ANKRD33B: variants seen among roughly 807,000 people sequenced by gnomAD.
ANKRD33B encodes the protein ankyrin repeat domain-containing protein 33B.
In ANKRD33B, 6 loss-of-function variants were observed where a neutral mutation model predicts 21.5. The ratio of observed to expected loss-of-function variants is 0.28; its 90% CI spans 0.15 to 0.55. ANKRD33B has a LOEUF of 0.55. ANKRD33B is among the 20% of genes least tolerant of loss of function. The pLI is 0.94. For missense variants in ANKRD33B, 698 were observed against 747.2 expected (o/e 0.93, Z 0.77); for synonymous variants, 347 against 342.4 (o/e 1.01, Z -0.15).
At chr5:10,570,573 T>C (rs1735159196) in intron 1 of ANKRD33B, among the ~76,000 whole-genome samples, 1 of 152,136 alleles carries the variant, frequency 6.6e-6, no homozygotes, top group African/African-American at 2.4e-5. Context: ...TTTATATTAT[T>C]TTGAGATAGA....
Position 10,608,227 on chromosome 5 carries a change from G to A in ANKRD33B, c.367-10106G>A, listed in dbSNP as rs1736092121. Among the ~76,000 whole-genome samples the A allele has an allele frequency of 2.0e-5, 3 of 151,192 alleles. No homozygotes were observed. In the South Asian group the frequency reaches 6.3e-4, roughly 32 times the overall value. On this transcript the variant is annotated intron_variant, in intron 1 of 3. Coordinates refer to ENST00000296657, the MANE Select transcript of ANKRD33B (RefSeq NM_001164440.2). ...AAAAAAAAAAAATGGGCGTGGTGGT[G>A]CATGACTGTAGTCTCAGCTACTCAG...
chr5:10,618,002 G>A (rs1213349308), intron 1 of ANKRD33B, among the ~76,000 whole-genome samples: 1 of 152,118 alleles, frequency 6.6e-6, no homozygotes, highest in African/African-American at 2.4e-5. Flanking sequence ...CCCCATCGCC[G>A]TCTGCCGTGC....
chr5:10,638,050 CTTG>C lies in ANKRD33B; in HGVS notation c.523_525del (p.Leu175del). Reference sequence around the variant, plus strand: ...CAGGGCACGCTATCATCACTAACTACTTGTTGAACTATTTCCCTGGTCTTGACC... The same window carrying C: ...CAGGGCACGCTATCATCACTAACTACTTGAACTATTTCCCTGGTCTTGACC... On this transcript the variant is annotated inframe_deletion, in exon 3 of 4. Transcript: ENST00000296657. 2 of 1,537,708 alleles carry C rather than the reference CTTG, an allele frequency of 1.3e-6. No individual in the cohort carries two copies. The highest frequency in any genetic ancestry group is 1.7e-6 in the Non-Finnish European group (2 of 1,146,980).
chr5:10,656,392 T>TGGC lies in ANKRD33B; in HGVS notation c.*6279_*6280insGGC, dbSNP rs1737488693. Reference sequence around the variant, plus strand: ...GCAGGCAGTGCCAATGTGGACAGTGTACACTAAGCTGTGAGTGTGTGCACG... The same window carrying TGGC: ...GCAGGCAGTGCCAATGTGGACAGTGTGGCACACTAAGCTGTGAGTGTGTGCACG... On this transcript the variant is annotated 3_prime_UTR_variant, in exon 4 of 4. Transcript: ENST00000296657. 2 of 152,400 alleles carry TGGC rather than the reference T, an allele frequency of 1.3e-5. No individual in the cohort carries two copies. The highest frequency in any genetic ancestry group is 2.9e-5 in the Non-Finnish European group (2 of 68,054). 9.4% of individuals were successfully genotyped at this position (152,400 alleles called of 1,614,324 possible).
At chr5:10,594,892 G>A (rs1396410470) in intron 1 of ANKRD33B, among the ~76,000 whole-genome samples, 2 of 152,196 alleles carry the variant, frequency 1.3e-5, no homozygotes, top group African/African-American at 4.8e-5. Flanking sequence ...AGTGGTGATT[G>A]TCTTGGTAGA....
chr5:10,648,869 G>T (rs542800071), intron 3 of ANKRD33B, among the ~76,000 whole-genome samples: 2 of 152,334 alleles, frequency 1.3e-5, no homozygotes, highest in East Asian at 3.9e-4. Context: ...GGTGGCTCAC[G>T]CCCGTAATCC....
chr5:10,649,783 C>T lies in ANKRD33B; in HGVS notation c.1155C>T (p.Ala385=), dbSNP rs1228620251. 8.6e-6 allele frequency: 12 copies of T among 1,398,930 alleles called. No homozygotes were observed. The highest frequency in any genetic ancestry group is 2.6e-4 in the Middle Eastern group (1 of 3,884). The allele number at this position is 1,398,930 out of a possible 1,614,324, so 86.7% of individuals were successfully genotyped here. Residue 385 remains alanine (A), a synonymous_variant, in exon 4 of 4, where the codon GCC becomes GCT. Transcript: ENST00000296657. ...ACTCCCGGGAGGGCTCCCCGAGAGCCGGCCTCCCTCCCGCCCTGGGGTCCC... is the reference window on the plus strand; with the variant it reads ...ACTCCCGGGAGGGCTCCCCGAGAGCTGGCCTCCCTCCCGCCCTGGGGTCCC... The part of the protein sequence containing the change: ...DADSREGSPR[A]GLPPALGSRG...
chr5:10,577,471 G>A (rs1383316753), intron 1 of ANKRD33B, among the ~76,000 whole-genome samples: 1 of 152,164 alleles, frequency 6.6e-6, no homozygotes, highest in African/African-American at 2.4e-5. Flanking sequence ...CCCTGGAGTC[G>A]GGGCCCATCC....
intron 2 of ANKRD33B, among the ~76,000 whole-genome samples, chr5:10,632,050 T>C (rs575680216): frequency 1.5e-4 from 23 of 152,218 alleles, no homozygotes; most frequent in African/African-American, 5.3e-4. Flanking sequence ...CGAGGCGCAT[T>C]GCCCTTCCAT....
In ANKRD33B at chr5:10,564,598, C is replaced by G. The variant is rs925028453; in HGVS notation, c.131C>G (p.Ser44Trp). 8.5e-6 allele frequency: 13 copies of G among 1,534,742 alleles called. No individual in the cohort carries two copies. The highest frequency in any genetic ancestry group is 3.5e-6 in the Non-Finnish European group (4 of 1,146,634). Residue 44 changes from serine (S) to tryptophan (W), a missense_variant, in exon 1 of 4, where the codon TCG (serine) becomes TGG (tryptophan). Coordinates refer to ENST00000296657, the MANE Select transcript of ANKRD33B (RefSeq NM_001164440.2). The part of the protein sequence containing the change: ...PADYEEFEDF[S>W]SLPDTRSIAS... ...GACTACGAAGAGTTTGAGGACTTCT[C>G]GAGTCTGCCAGACACCCGCAGCATC...
At chr5:10,599,827 A>C (rs912025199) in intron 1 of ANKRD33B, among the ~76,000 whole-genome samples, 1 of 152,344 alleles carries the variant, frequency 6.6e-6, no homozygotes, top group African/African-American at 2.4e-5. Context: ...CCTCTGCTTT[A>C]AACTCATTTG....
chr5:10,601,345 A>G (rs1156616701), intron 1 of ANKRD33B, among the ~76,000 whole-genome samples: 2 of 151,714 alleles, frequency 1.3e-5, no homozygotes, highest in African/African-American at 4.8e-5. Flanking sequence ...AGAATTCCCC[A>G]CTCGTCAGCT....
At chr5:10,566,366 AT>A (rs1257425551) in intron 1 of ANKRD33B, among the ~76,000 whole-genome samples, 2 of 152,206 alleles carry the variant, frequency 1.3e-5, no homozygotes, top group African/African-American at 4.8e-5. Context: ...CAAGTTCTAC[AT>A]TTGGTTTAAC....
chr5:10,590,103 T>C (rs1465361600), intron 1 of ANKRD33B, among the ~76,000 whole-genome samples: 1 of 152,222 alleles, frequency 6.6e-6, no homozygotes, highest in Non-Finnish European at 1.5e-5. Context: ...TTATTGATTC[T>C]AGTTCTGTAA....
intron 1 of ANKRD33B, among the ~76,000 whole-genome samples, chr5:10,581,153 C>G (rs1279653546): frequency 6.6e-6 from 1 of 152,220 alleles, no homozygotes; most frequent in East Asian, 1.9e-4. Flanking sequence ...CTGGTCCCAC[C>G]CCTTAAGTCC....
chr5:10,614,025 G>GTGTGTA (rs1295818243), intron 1 of ANKRD33B, among the ~76,000 whole-genome samples: 65 of 150,566 alleles, frequency 4.3e-4, no homozygotes, highest in African/African-American at 1.4e-3. Flanking sequence ...GTGTGTGTGT[G>GTGTGTA]TATAAACATA....
At chr5:10,609,770 A>G (rs1736125290) in intron 1 of ANKRD33B, among the ~76,000 whole-genome samples, 1 of 152,132 alleles carries the variant, frequency 6.6e-6, no homozygotes, top group East Asian at 1.9e-4. Flanking sequence ...TTAGCCAGGC[A>G]TGGTGGCAGG....
intron 3 of ANKRD33B, among the ~76,000 whole-genome samples, chr5:10,642,028 G>A (rs1484267814): frequency 2.0e-5 from 3 of 152,286 alleles, no homozygotes; most frequent in Non-Finnish European, 4.4e-5. Context: ...TTATAATTGG[G>A]CGTAGATGTT....
chr5:10,621,478 G>A (rs1334420089), intron 2 of ANKRD33B, among the ~76,000 whole-genome samples: 2 of 152,284 alleles, frequency 1.3e-5, no homozygotes, highest in South Asian at 2.1e-4. Context: ...AAGAAACCTG[G>A]TTTGCAGCAA....
Sources: gnomAD v4.1 joint callset for allele counts (sites outside exome capture counted in the v4.1 genomes callset) on GRCh38, gnomAD v4.1.1 for gene constraint, MANE v1.5 for transcripts, NCBI Gene and HGNC (gene_info 2026-07-23, HGNC 2026-07-21) for gene names.